The following DCP1A variants were observed in gnomAD, a reference collection of about 807,000 sequenced individuals.
The protein encoded by DCP1A is decapping mRNA 1A.
A neutral mutation model predicts 58.0 loss-of-function variants in DCP1A; 20 were observed. The ratio of observed to expected loss-of-function variants is 0.34; its 90% CI spans 0.24 to 0.50. DCP1A has a LOEUF of 0.50. DCP1A is among the 20% of genes least tolerant of loss of function. The pLI, the probability that DCP1A is intolerant of heterozygous loss-of-function variation, is 0.98. For missense variants in DCP1A, 613 were observed against 712.2 expected, an observed-to-expected ratio of 0.86 and a Z score of 1.59; for synonymous variants, 285 against 275.1, an observed-to-expected ratio of 1.04 and a Z score of -0.36.
chr3:53,333,143 GTT>G (rs1166670582), intron 3 of DCP1A: 8 of 135,260 alleles, frequency 5.9e-5, no homozygotes, highest in Admixed American at 7.5e-5. Flanking sequence ...CAGGGTTTTG[GTT>G]TTTTTTTTTT....
In DCP1A at chr3:53,319,415, G is replaced by A; in HGVS notation, c.363C>T (p.Leu121=). Reference sequence around the variant, plus strand: ...TGGAGTAATATACTTACTCAGCCATGAGTTTTGCTATGCGGTGACAGTCAT... The same window carrying A: ...TGGAGTAATATACTTACTCAGCCATAAGTTTTGCTATGCGGTGACAGTCAT... ...DKNDCHRIAK[L]MADVVEEETR... Residue 121 remains leucine (L), a synonymous_variant, in exon 4 of 10, where the codon CTC becomes CTT. Transcript: ENST00000610213. 1 of 1,553,550 alleles carries A rather than the reference G, an allele frequency of 6.4e-7. No individual in the cohort carries two copies. Among genetic ancestry groups the A allele is most frequent in the South Asian group, 1.2e-5 (1 of 84,340 alleles).
At chr3:53,332,145 A>T (rs75788626) in intron 3 of DCP1A, among the ~76,000 whole-genome samples, 1 of 152,216 alleles carries the variant, frequency 6.6e-6, no homozygotes, top group African/African-American at 2.4e-5. Flanking sequence ...CTTGAAGATT[A>T]GACCAGAAGT....
intron 6 of DCP1A, among the ~76,000 whole-genome samples, chr3:53,295,011 G>A (rs1317948285): frequency 1.3e-5 from 2 of 152,150 alleles, no homozygotes; most frequent in African/African-American, 2.4e-5. Context: ...AAGTTCTTTC[G>A]GGGAGTAGGG....
At chr3:53,338,075 A>G in intron 3 of DCP1A, 1 of 377,414 alleles carries the variant, frequency 2.6e-6, no homozygotes, top group Non-Finnish European at 5.5e-6. Context: ...CAAATTCTCC[A>G]TCTGTCACTT....
At chr3:53,301,079 A>G (rs1326224317) in intron 6 of DCP1A, among the ~76,000 whole-genome samples, 1 of 152,202 alleles carries the variant, frequency 6.6e-6, no homozygotes, top group Non-Finnish European at 1.5e-5. Context: ...ATGATTTAGA[A>G]AGGGGAAGTA....
intron 6 of DCP1A, among the ~76,000 whole-genome samples, chr3:53,302,927 T>C (rs1553687566): frequency 6.6e-6 from 1 of 151,098 alleles, no homozygotes; most frequent in African/African-American, 2.4e-5. Flanking sequence ...CTGGGAGTTT[T>C]ATTTTATTTT....
Position 53,292,502 on chromosome 3 carries a change from A to C in DCP1A, c.950T>G (p.Val317Gly). Residue 317 changes from valine to glycine, a missense_variant, in exon 7 of 10, where the codon GTT becomes GGT. Physicochemically the swap from Val to Gly is moderately radical, Grantham distance 109. This residue lies in a region of DCP1A where 498 missense variants were observed against 556.7 expected (regional missense o/e 0.89). Coordinates refer to ENST00000610213, the MANE Select transcript of DCP1A (RefSeq NM_018403.7). ...TTCAGCTGGCAGAGTGGGACTGAGA[A>C]CAGGGCTCAACGGGATTGTGTAGGT... ...APTYTIPLSP[V>G]LSPTLPAEAP... 1 of 1,613,982 alleles carries C rather than the reference A, an allele frequency of 6.2e-7. No homozygotes were observed. The highest frequency in any genetic ancestry group is 8.5e-7 in the Non-Finnish European group (1 of 1,179,890).
intron 3 of DCP1A, among the ~76,000 whole-genome samples, chr3:53,330,591 A>G (rs2106874345): frequency 6.6e-6 from 1 of 152,094 alleles, no homozygotes; most frequent in South Asian, 2.1e-4. Flanking sequence ...GTTCTAACGC[A>G]GTTTAGTAAC....
intron 6 of DCP1A, among the ~76,000 whole-genome samples, chr3:53,297,503 G>C (rs1171423694): frequency 6.6e-6 from 1 of 152,036 alleles, no homozygotes; most frequent in Non-Finnish European, 1.5e-5. Context: ...TGGGAATGCA[G>C]ACATGCACCA....
At chr3:53,317,629 T>C (rs62256966) in intron 4 of DCP1A, among the ~76,000 whole-genome samples, 25,045 of 152,038 alleles carry the variant, frequency 0.16, 2,551 homozygotes, top group Middle Eastern at 0.28. Flanking sequence ...GGCAGGAGGA[T>C]CCCTTAAGCC....
At chr3:53,332,340 A>G (rs2089021064) in intron 3 of DCP1A, among the ~76,000 whole-genome samples, 2 of 152,156 alleles carry the variant, frequency 1.3e-5, no homozygotes, top group African/African-American at 4.8e-5. Context: ...TTCCTAAGTA[A>G]TTTTTGTTAA....
At chr3:53,306,960 T>G in intron 5 of DCP1A, among the ~76,000 whole-genome samples, 1 of 134,646 alleles carries the variant, frequency 7.4e-6, no homozygotes, top group South Asian at 2.6e-4. Context: ...TTTTGTGGAC[T>G]GAGTCCTGCT....
In DCP1A at chr3:53,304,184, T is replaced by G. The variant is rs1553687685; in HGVS notation, c.617A>C (p.Gln206Pro). Residue 206 changes from glutamine (Q) to proline (P), a missense_variant, in exon 6 of 10, where the codon CAG (glutamine) becomes CCG (proline). Physicochemically the swap from Gln to Pro is moderately conservative, Grantham distance 76 (BLOSUM62 -1). Coordinates refer to ENST00000610213, the MANE Select transcript of DCP1A (RefSeq NM_018403.7). ...ETLEEMPSGS[Q>P]DKSAPSGHKH... ...AGCTTTAGCTGTACAAACCTTATCC[T>G]GTGACCCGGAGGGCATTTCTTCTAG... 6.2e-7 allele frequency: 1 copy of G among 1,611,716 alleles called. No individual in the cohort carries two copies.
chr3:53,322,178 C>T (rs1349755081), intron 3 of DCP1A, among the ~76,000 whole-genome samples: 3 of 152,066 alleles, frequency 2.0e-5, no homozygotes, highest in Non-Finnish European at 2.9e-5. Context: ...CTCGGCTGGG[C>T]ACGGTGGCTC....
intron 6 of DCP1A, among the ~76,000 whole-genome samples, chr3:53,300,419 C>A (rs1707276731): frequency 1.3e-5 from 2 of 149,964 alleles, no homozygotes; most frequent in Admixed American, 1.3e-4. Context: ...CTTACTGCAA[C>A]CTCCGCCTCC....
Position 53,288,123 on chromosome 3 carries a change from T to C in DCP1A, c.1610A>G (p.Lys537Arg). 6.2e-7 allele frequency: 1 copy of C among 1,614,068 alleles called. No individual in the cohort carries two copies. Among genetic ancestry groups the C allele is most frequent in the Non-Finnish European group, 8.5e-7 (1 of 1,179,902 alleles). ...AGACTTGCTGAGAATAATGGAAGGC[T>C]TTCTCTGACTTTCTGGCGTTCCAAT... ...LTIGTPESQR[K>R]PSIILSKSQL... Residue 537 changes from lysine (K) to arginine (R), a missense_variant, in exon 9 of 10, where the codon AAG becomes AGG. By Grantham distance (26) the Lys-to-Arg change is conservative. Transcript: ENST00000610213.
At chr3:53,306,039 G>A (rs1707460397) in intron 5 of DCP1A, among the ~76,000 whole-genome samples, 1 of 152,152 alleles carries the variant, frequency 6.6e-6, no homozygotes, top group African/African-American at 2.4e-5. Context: ...TTCAGAAAAT[G>A]CAAGATATGA....
chr3:53,287,250 A>AGGTGT lies in DCP1A; in HGVS notation c.*329_*330insACACC, dbSNP rs1553685217. 7 of 220,586 alleles carry AGGTGT rather than the reference A, an allele frequency of 3.2e-5. No homozygotes were observed. 13.7% of individuals were successfully genotyped at this position (220,586 alleles called of 1,614,324 possible). On this transcript the variant is annotated 3_prime_UTR_variant, in exon 10 of 10. Transcript: ENST00000610213. Reference sequence around the variant, plus strand: ...GACTACTCCTCTGTAAGTCCTTGAAAGTGAAAGCAAGCTGAGAATCTGACT... The same window carrying AGGTGT: ...GACTACTCCTCTGTAAGTCCTTGAAAGGTGTGTGAAAGCAAGCTGAGAATCTGACT...
At chr3:53,316,419 G>C (rs538484763) in intron 4 of DCP1A, among the ~76,000 whole-genome samples, 129 of 152,072 alleles carry the variant, frequency 8.5e-4, no homozygotes, top group African/African-American at 3.1e-3. Flanking sequence ...AGTTTCACCA[G>C]GGTATTCTCT....
Sources: allele counts gnomAD v4.1 joint callset (sites outside exome capture counted in the v4.1 genomes callset), GRCh38; gene constraint gnomAD v4.1.1; regional missense constraint gnomAD v4.1.1; transcripts MANE v1.5; gene names NCBI Gene and HGNC (gene_info 2026-07-23, HGNC 2026-07-21).